NIPAL3: variants seen among roughly 807,000 people sequenced by gnomAD.
NIPAL3 encodes the protein NIPA-like protein 3.
In NIPAL3, 41 loss-of-function variants were observed where a neutral mutation model predicts 47.2. That is an observed-to-expected ratio of 0.87 (90% CI 0.68 to 1.13). The LOEUF (loss-of-function observed/expected upper bound fraction) is 1.13, where lower values mean the gene tolerates loss of function less well. Among genes scored for constraint, NIPAL3 ranks in the 50% most tolerant of loss-of-function variants. The probability of loss-of-function intolerance (pLI) is 0.00; values close to 1 mark genes in which losing one functional copy is unlikely to be tolerated. For synonymous variants in NIPAL3, 194 were observed against 209.6 expected (o/e 0.93, Z 0.64); for missense variants, 449 against 530.1 (o/e 0.85, Z 1.50).
intron 2 of NIPAL3, among the ~76,000 whole-genome samples, chr1:24,424,808 A>G (rs1240906487): frequency 6.6e-6 from 1 of 152,136 alleles, no homozygotes; most frequent in African/African-American, 2.4e-5. Context: ...CCTGGCAGAC[A>G]TGGTTTCTGA....
At chr1:24,442,247 C>T (rs1464783763) in intron 4 of NIPAL3, 21 bp downstream of exon 4, 6 of 1,610,636 alleles carry the variant, frequency 3.7e-6, no homozygotes, top group South Asian at 1.1e-5. Flanking sequence ...GGCTGCCCCA[C>T]CCTCCCCTGG....
At chr1:24,422,780 T>C (rs112485731) in intron 2 of NIPAL3, among the ~76,000 whole-genome samples, 33 of 152,334 alleles carry the variant, frequency 2.2e-4, no homozygotes, top group African/African-American at 7.7e-4. Flanking sequence ...TAGGCAGTGT[T>C]ACTGTTCGCA....
chr1:24,419,648 CT>C lies in NIPAL3; in HGVS notation c.93+14del, dbSNP rs749529629. 7.4e-6 allele frequency: 12 copies of C among 1,612,236 alleles called. No individual in the cohort carries two copies. Among genetic ancestry groups the C allele is most frequent in the Admixed American group, 5.0e-5 (3 of 59,920 alleles). On this transcript the variant is annotated intron_variant, in intron 2 of 11. Transcript: ENST00000374399. ...GCCTCCTTCTCCTACAAGGCAAGGG[CT>C]TTTTTGGGGTTTGGGAATTTGTATT...
In NIPAL3 at chr1:24,454,458, T is replaced by G. The variant is rs1387291906; in HGVS notation, c.637+954T>G. On this transcript the variant is annotated intron_variant, in intron 7 of 11. Coordinates refer to ENST00000374399, the MANE Select transcript of NIPAL3 (RefSeq NM_020448.5). The surrounding 1 kb of genome is among the most constrained non-coding windows in gnomAD (Gnocchi z 4.1). ...CACAGGTGGCTAATATGTGCATTTT[T>G]CTTCCAACCTTCCTACTGTGTGCCC... 7 of 996,898 alleles carry G rather than the reference T, an allele frequency of 7.0e-6. No individual in the cohort carries two copies. The highest frequency in any genetic ancestry group is 8.4e-6 in the Non-Finnish European group (7 of 836,646). 61.8% of individuals were successfully genotyped at this position (996,898 alleles called of 1,614,324 possible).
chr1:24,422,339 A>G (rs2235550), intron 2 of NIPAL3, among the ~76,000 whole-genome samples: 35,278 of 152,004 alleles, frequency 0.23, 4,633 homozygotes, highest in East Asian at 0.45. Flanking sequence ...CAGCTCTGTC[A>G]TCTCTGGGTG....
chr1:24,461,411 G>T (rs1322215234), intron 10 of NIPAL3, among the ~76,000 whole-genome samples: 2 of 151,456 alleles, frequency 1.3e-5, no homozygotes, highest in Non-Finnish European at 2.9e-5. Context: ...GCATGATGGT[G>T]CATGCCTGTA....
chr1:24,452,853 A>ATTTTTTTTTTTTTT (rs3054551), intron 6 of NIPAL3, among the ~76,000 whole-genome samples: 9 of 124,188 alleles, frequency 7.2e-5, no homozygotes, highest in African/African-American at 1.2e-4. Flanking sequence ...CGCCCAGCTA[A>ATTTTTTTTTTTTTT]TTTTTTTTTT....
chr1:24,419,696 A>G (rs1384837920), intron 2 of NIPAL3, 56 bp downstream of exon 2: 2 of 1,492,612 alleles, frequency 1.3e-6, no homozygotes, highest in East Asian at 2.3e-5. Context: ...GAAGTTACAC[A>G]GTGCTCTGCA....
In NIPAL3 at chr1:24,416,091, C is replaced by CGGGGGCAT; in HGVS notation, c.-258+191_-258+198dup. ...AGTTTTGCATCGAGGCCAAGAGGAG[C>CGGGGGCAT]GGGGGCATGGGCTACCTTACTAAAG... On this transcript the variant is annotated intron_variant, in intron 1 of 11. Transcript: ENST00000374399. The surrounding 1 kb of genome is among the most constrained non-coding windows in gnomAD (Gnocchi z 4.8). The CGGGGGCAT allele has an allele frequency of 1.0e-6, 1 of 985,374 alleles. No homozygotes were observed. Among genetic ancestry groups the CGGGGGCAT allele is most frequent in the Non-Finnish European group, 1.2e-6 (1 of 830,008 alleles). 61.0% of individuals were successfully genotyped at this position (985,374 alleles called of 1,614,324 possible). A position where few individuals can be genotyped will look rare whatever the true frequency, so the allele number is the denominator to read the frequency against.
rs1390136617 is a variant in NIPAL3 at position 24,416,052 on chromosome 1, G to C, written c.-258+148G>C. On this transcript the variant is annotated intron_variant, in intron 1 of 11. Coordinates refer to ENST00000374399, the MANE Select transcript of NIPAL3 (RefSeq NM_020448.5). This position sits in a 1 kb window ranked among gnomAD's most constrained non-coding sequence, Gnocchi z 4.8. ...TCGCCAACCTGGGTCCCGTTGCCTT[G>C]GAATGTTCTTTCCAGTTTTGCATCG... is the stretch of plus-strand genomic sequence containing the variant. 1.0e-6 allele frequency: 1 copy of C among 985,464 alleles called. No homozygotes were observed. Among genetic ancestry groups the C allele is most frequent in the Non-Finnish European group, 1.2e-6 (1 of 830,080 alleles). The allele number at this position is 985,464 out of a possible 1,614,324, so 61.0% of individuals were successfully genotyped here.
chr1:24,453,672 G>A (rs544282972), intron 7 of NIPAL3, among the ~76,000 whole-genome samples, 168 bp downstream of exon 7: 26 of 152,160 alleles, frequency 1.7e-4, no homozygotes, highest in African/African-American at 6.3e-4. Context: ...CCTGCTGACC[G>A]GAGGCAAACT....
At chr1:24,436,366 T>G (rs1195679722) in intron 2 of NIPAL3, among the ~76,000 whole-genome samples, 1 of 152,078 alleles carries the variant, frequency 6.6e-6, no homozygotes, top group African/African-American at 2.4e-5. Flanking sequence ...CCTACAAGTT[T>G]GGGATGTATG....
chr1:24,421,730 A>C (rs1036341517), intron 2 of NIPAL3: 4 of 152,238 alleles, frequency 2.6e-5, no homozygotes, highest in African/African-American at 7.2e-5. Context: ...GAATTTATTC[A>C]TGTGAAGCCC....
At chr1:24,463,266 A>G (rs544213563) in intron 10 of NIPAL3, among the ~76,000 whole-genome samples, 166 of 152,344 alleles carry the variant, frequency 1.1e-3, no homozygotes, top group Non-Finnish European at 2.0e-3. Context: ...ATAAAAGAGT[A>G]CATATTGTAT....
At chr1:24,434,881 T>C (rs1471966717) in intron 2 of NIPAL3, among the ~76,000 whole-genome samples, 1 of 152,120 alleles carries the variant, frequency 6.6e-6, no homozygotes, top group Non-Finnish European at 1.5e-5. Context: ...AGGGAAATTA[T>C]AGGAACTACC....
chr1:24,456,407 G>C (rs898863406), intron 8 of NIPAL3, 134 bp downstream of exon 8: 15 of 1,271,226 alleles, frequency 1.2e-5, no homozygotes, highest in Non-Finnish European at 1.5e-5. Flanking sequence ...CATGGAGAGA[G>C]GAGCTGCTAA....
chr1:24,435,473 T>C (rs1206475422), intron 2 of NIPAL3, among the ~76,000 whole-genome samples: 1 of 152,218 alleles, frequency 6.6e-6, no homozygotes, highest in African/African-American at 2.4e-5. Flanking sequence ...TTTTGAGTTA[T>C]CTTCTTAGTG....
At position 24,457,796 on chromosome 1, in the gene NIPAL3, A is replaced by G. The variant is rs75372226; in HGVS notation, c.774-1092A>G. On this transcript the variant is annotated intron_variant, in intron 8 of 11. Coordinates refer to ENST00000374399, the MANE Select transcript of NIPAL3 (RefSeq NM_020448.5). ...AACAGTCCCTACCTAAGAGAATCAC[A>G]TGAAGCTCTTATGAGAATGTCTCTA... 7.7e-3 allele frequency: 4,091 copies of G among 533,418 alleles called. 127 individuals carry two copies. The highest frequency in any genetic ancestry group is 0.07 in the African/African-American group (3,640 of 52,066). The allele number at this position is 533,418 out of a possible 1,614,324, so 33.0% of individuals were successfully genotyped here.
chr1:24,460,407 C>G, intron 9 of NIPAL3, 74 bp from the exon 10 acceptor site: 8 of 1,261,752 alleles, frequency 6.3e-6, no homozygotes, highest in Non-Finnish European at 8.9e-6. Flanking sequence ...AGAGCTTAGC[C>G]AAATCCTAGA....
Sources: gnomAD v4.1 joint callset for allele counts (sites outside exome capture counted in the v4.1 genomes callset) on GRCh38, gnomAD v4.1.1 for gene constraint, Gnocchi (gnomAD v3.1) non-coding constraint, MANE v1.5 for transcripts, NCBI Gene and HGNC (gene_info 2026-07-23, HGNC 2026-07-21) for gene names.